The following MMP26 variants were observed in gnomAD, a reference collection of about 807,000 sequenced individuals.
MMP26 encodes matrix metalloproteinase-26.
A neutral mutation model predicts 31.0 loss-of-function variants in MMP26; 33 were observed. The ratio of observed to expected loss-of-function variants is 1.06; its 90% CI spans 0.81 to 1.42. The LOEUF (loss-of-function observed/expected upper bound fraction) is 1.42. MMP26 is among the 40% of genes most tolerant of loss of function. The pLI, the probability that MMP26 is intolerant of heterozygous loss-of-function variation, is 0.00. For synonymous variants in MMP26, 122 were observed against 114.9 expected (o/e 1.06, Z -0.40); for missense variants, 347 against 316.1 (o/e 1.10, Z -0.74).
chr11:4,911,179 T>A (rs1264323797), intron 2 of MMP26, among the ~76,000 whole-genome samples: 1 of 152,212 alleles, frequency 6.6e-6, no homozygotes. Context: ...ACAAGAATTA[T>A]TTATAATGGT....
chr11:4,825,516 A>T (rs1849567735), intron 2 of MMP26, among the ~76,000 whole-genome samples: 1 of 152,146 alleles, frequency 6.6e-6, no homozygotes, highest in South Asian at 2.1e-4. Context: ...TGGATGTCCC[A>T]ATCTGATTAG....
intron 2 of MMP26, among the ~76,000 whole-genome samples, chr11:4,836,621 A>G (rs1285155674): frequency 6.8e-6 from 1 of 146,396 alleles, no homozygotes; most frequent in African/African-American, 2.5e-5. Context: ...TATAAGAGAT[A>G]GTGCATTGAA....
chr11:4,803,284 G>C, intron 2 of MMP26: 2 of 549,336 alleles, frequency 3.6e-6, no homozygotes, highest in East Asian at 2.9e-5. Context: ...CCTGAAAATT[G>C]TTTCTCTTGC....
chr11:4,980,431 T>C (rs1326722372), intron 2 of MMP26, among the ~76,000 whole-genome samples: 2 of 152,070 alleles, frequency 1.3e-5, no homozygotes, highest in Non-Finnish European at 2.9e-5. Flanking sequence ...TGAAGGTCTT[T>C]TATACAATGT....
At position 4,932,296 on chromosome 11, in the gene MMP26, A is replaced by T. The variant is rs944840009; in HGVS notation, c.-144-55772A>T. On this transcript the variant is annotated intron_variant, in intron 2 of 7. Coordinates refer to ENST00000380390, the MANE Select transcript of MMP26 (RefSeq NM_021801.5). ...ATTGCCCCATCAAGAGATGGAACGT[A>T]TTTCTCTTCCTTTGAATCTGAGCTT... Among the ~76,000 whole-genome samples, 7 of 151,990 alleles carry T rather than the reference A, an allele frequency of 4.6e-5. No homozygotes were observed. In the East Asian group the frequency reaches 1.4e-3, roughly 29 times the overall value.
intron 2 of MMP26, among the ~76,000 whole-genome samples, chr11:4,903,553 T>G (rs904905572): frequency 1.3e-5 from 2 of 152,130 alleles, no homozygotes; most frequent in Admixed American, 1.3e-4. Flanking sequence ...CAACTTCAAA[T>G]GTTTACCTTT....
rs188382359 is a variant in MMP26 at position 4,917,594 on chromosome 11, T to C, written c.-144-70474T>C. 9.8e-5 allele frequency among the ~76,000 whole-genome samples: 15 copies of C among 152,332 alleles called. No individual in the cohort carries two copies. In the East Asian group the frequency reaches 2.9e-3, roughly 29 times the overall value. On this transcript the variant is annotated intron_variant, in intron 2 of 7. Coordinates refer to ENST00000380390, the MANE Select transcript of MMP26 (RefSeq NM_021801.5). The stretch of plus-strand genomic sequence containing the variant: ...TAACTCACTGTCCACCTGAAGATCA[T>C]ATAGGCTCTCACACCGTGCTCCTCA...
At chr11:4,752,744 C>A (rs1406827060) in intron 1 of MMP26, 3 of 152,390 alleles carry the variant, frequency 2.0e-5, no homozygotes, top group African/African-American at 7.2e-5. Flanking sequence ...GCACTGTCAC[C>A]AGTGTAGAAA....
At chr11:4,931,708 CA>C (rs1228102542) in intron 2 of MMP26, among the ~76,000 whole-genome samples, 1 of 151,882 alleles carries the variant, frequency 6.6e-6, no homozygotes. Flanking sequence ...GAAGGTGCAG[CA>C]AGGTCTCAAA....
chr11:4,763,054 A>T (rs575161653), intron 1 of MMP26, among the ~76,000 whole-genome samples: 45 of 152,324 alleles, frequency 3.0e-4, no homozygotes, highest in Admixed American at 8.5e-4. Flanking sequence ...CAATATTATA[A>T]TTCCATTATA....
chr11:4,898,560 T>A (rs1850747620), intron 2 of MMP26, among the ~76,000 whole-genome samples: 1 of 152,138 alleles, frequency 6.6e-6, no homozygotes, highest in Admixed American at 6.5e-5. Context: ...CTATGGGGAT[T>A]AATGTATTTA....
At chr11:4,733,520 C>G (rs2133285791) in intron 1 of MMP26, among the ~76,000 whole-genome samples, 1 of 152,058 alleles carries the variant, frequency 6.6e-6, no homozygotes, top group East Asian at 1.9e-4. Context: ...TTATTTATCT[C>G]TTGTTCTGCA....
intron 2 of MMP26, among the ~76,000 whole-genome samples, chr11:4,979,333 C>A (rs1846781867): frequency 6.6e-6 from 1 of 152,110 alleles, no homozygotes; most frequent in South Asian, 2.1e-4. Flanking sequence ...TATTTTAACA[C>A]CATTATACAC....
intron 2 of MMP26, among the ~76,000 whole-genome samples, chr11:4,939,246 TA>T (rs2097674409): frequency 1.3e-5 from 2 of 152,164 alleles, no homozygotes; most frequent in African/African-American, 4.8e-5. Flanking sequence ...AAATTAGTTG[TA>T]GCTCCAAAAT....
intron 1 of MMP26, chr11:4,736,948 A>C (rs1312108057): frequency 6.5e-6 from 1 of 153,194 alleles, no homozygotes; most frequent in Non-Finnish European, 1.5e-5. Flanking sequence ...GGACTCAGTG[A>C]TGATGACAAA....
chr11:4,734,769 A>G (rs1017007847), intron 1 of MMP26, among the ~76,000 whole-genome samples: 2 of 151,890 alleles, frequency 1.3e-5, no homozygotes, highest in Non-Finnish European at 2.9e-5. Context: ...TTATATAAGC[A>G]GGGCATAGGC....
intron 2 of MMP26, among the ~76,000 whole-genome samples, chr11:4,779,977 T>C (rs78930720): frequency 0.015 from 2,225 of 152,276 alleles, 26 homozygotes; most frequent in South Asian, 0.024. Context: ...TTTTACTCAA[T>C]GTTGAAATGA....
chr11:4,749,482 C>G (rs902109725), intron 1 of MMP26, among the ~76,000 whole-genome samples: 9 of 151,734 alleles, frequency 5.9e-5, no homozygotes, highest in African/African-American at 1.9e-4. Context: ...GAATCCTAAG[C>G]AAAAAGAACA....
chr11:4,724,421 T>C (rs1476270705), intron 1 of MMP26, among the ~76,000 whole-genome samples: 4 of 152,216 alleles, frequency 2.6e-5, no homozygotes, highest in Non-Finnish European at 4.4e-5. Flanking sequence ...CTAAATAGCA[T>C]AGACAGCTAA....
Sources: allele counts gnomAD v4.1 joint callset (sites outside exome capture counted in the v4.1 genomes callset), GRCh38; gene constraint gnomAD v4.1.1; transcripts MANE v1.5; gene names NCBI Gene and HGNC (gene_info 2026-07-23, HGNC 2026-07-21).